Variants in USP10 observed in about 807,000 individuals in gnomAD.
The protein encoded by USP10 is ubiquitin carboxyl-terminal hydrolase 10.
A neutral mutation model predicts 84.5 loss-of-function variants in USP10; 22 were observed. The ratio of observed to expected loss-of-function variants is 0.26; its 90% CI spans 0.19 to 0.37. The LOEUF is 0.37. Ranked by LOEUF, USP10 falls within the 10% of genes least tolerant of loss-of-function variation. The pLI, the probability that USP10 is intolerant of heterozygous loss-of-function variation, is 1.00. For missense variants in USP10, 1,019 were observed against 998.9 expected (o/e 1.02, Z -0.27); for synonymous variants, 454 against 387.6 (o/e 1.17, Z -2.01).
intron 4 of USP10, among the ~76,000 whole-genome samples, chr16:84,757,222 G>A (rs2012733): frequency 1.2e-4 from 18 of 152,114 alleles, no homozygotes; most frequent in African/African-American, 4.3e-4. Context: ...GGCCCAGTTC[G>A]GTATTCCATA....
chr16:84,730,233 TAACA>T (rs2150794223), intron 1 of USP10, among the ~76,000 whole-genome samples: 1 of 152,306 alleles, frequency 6.6e-6, no homozygotes, highest in African/African-American at 2.4e-5. Flanking sequence ...TCTATATTAT[TAACA>T]AACACAAATA....
rs887873657 is a variant in USP10, at chr16:84,706,634, G to A, written c.21+6523G>A. On this transcript the variant is annotated intron_variant, in intron 1 of 13. Coordinates refer to ENST00000219473, the MANE Select transcript of USP10 (RefSeq NM_005153.3). ...CGGCTCACTGCAAGCTCCGCCTCCC[G>A]GGTTCACGCCATTCTCCTGCCTCAG... 3.3e-5 allele frequency among the ~76,000 whole-genome samples: 5 copies of A among 151,436 alleles called. No individual in the cohort carries two copies. The South Asian group carries it at 6.2e-4, about 19-fold the overall frequency.
Position 84,777,245 on chromosome 16 carries a change from C to G in USP10, c.2210-1650C>G, listed in dbSNP as rs146677005. On this transcript the variant is annotated intron_variant, in intron 13 of 13. Coordinates refer to ENST00000219473, the MANE Select transcript of USP10 (RefSeq NM_005153.3). Reference sequence around the variant, plus strand: ...CCCAGGGTAGTTAACTGGGCTGCTGCTTATGAAACTAGAATGGTGACATGC... The same window carrying G: ...CCCAGGGTAGTTAACTGGGCTGCTGGTTATGAAACTAGAATGGTGACATGC... Among the ~76,000 whole-genome samples, 120 of 152,300 alleles carry G rather than the reference C, an allele frequency of 7.9e-4. 1 individual carries two copies. In the East Asian group the frequency reaches 0.021, roughly 27 times the overall value.
At position 84,759,427 on chromosome 16, in the gene USP10, C is replaced by G. The variant is rs772073078; in HGVS notation, c.1349C>G (p.Ser450Cys). 3 of 1,613,854 alleles carry G rather than the reference C, an allele frequency of 1.9e-6. No individual in the cohort carries two copies. The highest frequency in any genetic ancestry group is 1.3e-5 in the African/African-American group (1 of 74,914). Residue 450 changes from serine to cysteine, a missense_variant, in exon 6 of 14, where the codon TCC (serine) becomes TGC (cysteine). Around this residue, in one of 2 missense-constraint regions of USP10, gnomAD observed 787 missense variants for 708.8 expected, o/e 1.11. Transcript: ENST00000219473. ...YHLMKFIPLY[S>C]KVQRPCTSTP... ...CTGATGAAGTTCATTCCTCTGTATT[C>G]CAAAGTGCAAAGGCCTTGTACGTCA...
At position 84,744,901 on chromosome 16, in the gene USP10, C is replaced by G. The variant is rs748819894; in HGVS notation, c.420C>G (p.Val140=). Residue 140 remains valine (V), a synonymous_variant, in exon 4 of 14, where the codon GTC becomes GTG. Coordinates refer to ENST00000219473, the MANE Select transcript of USP10 (RefSeq NM_005153.3). ...CGGAAGTTTTGGAAAATGATGGTGT[C>G]TCAGGTGGTCTTGGACAAAGGGAGC... The part of the protein sequence containing the change: ...VEAEVLENDG[V]SGGLGQRERK... 9 of 1,613,604 alleles carry G rather than the reference C, an allele frequency of 5.6e-6. No homozygotes were observed. In the East Asian group the frequency reaches 1.8e-4, roughly 32 times the overall value.
intron 1 of USP10, among the ~76,000 whole-genome samples, chr16:84,713,889 C>T (rs914314682): frequency 2.6e-5 from 4 of 152,214 alleles, no homozygotes; most frequent in African/African-American, 9.6e-5. Flanking sequence ...AAAGACCTGG[C>T]GTGTGCCGTG....
chr16:84,757,985 A>C (rs1912783921), intron 4 of USP10, among the ~76,000 whole-genome samples: 1 of 152,114 alleles, frequency 6.6e-6, no homozygotes, highest in Admixed American at 6.6e-5. Context: ...ACAGGGGGAG[A>C]CCTTGTCTTG....
chr16:84,719,327 C>T (rs1307717311), intron 1 of USP10, among the ~76,000 whole-genome samples: 1 of 152,160 alleles, frequency 6.6e-6, no homozygotes, highest in Non-Finnish European at 1.5e-5. Context: ...TTTCTCCCAC[C>T]TCCTCAGTTG....
At chr16:84,740,202 A>G in intron 2 of USP10, 107 bp from the exon 3 acceptor site, 1 of 968,388 alleles carries the variant, frequency 1.0e-6, no homozygotes, top group Non-Finnish European at 1.6e-6. Context: ...ACGGCATGCA[A>G]AGTTGTATGG....
At chr16:84,711,412 C>G (rs1417966819) in intron 1 of USP10, among the ~76,000 whole-genome samples, 1 of 152,180 alleles carries the variant, frequency 6.6e-6, no homozygotes, top group Non-Finnish European at 1.5e-5. Context: ...TCCCAGAGAA[C>G]TGGAACTTTA....
rs891218056 is a variant in USP10 at position 84,704,854 on chromosome 16, A to G, written c.21+4743A>G. On this transcript the variant is annotated intron_variant, in intron 1 of 13. Transcript: ENST00000219473. ...TGCCCTGGTTGCCCTCTCCTGGAAT[A>G]GGGCAGGTAAGGTGTTGAGATAGAA... The G allele has an allele frequency of 2.0e-6, 3 of 1,535,720 alleles. No homozygotes were observed. In the East Asian group the frequency reaches 7.3e-5, roughly 38 times the overall value.
At chr16:84,710,823 T>C (rs922304239) in intron 1 of USP10, among the ~76,000 whole-genome samples, 3 of 152,164 alleles carry the variant, frequency 2.0e-5, no homozygotes, top group South Asian at 2.1e-4. Flanking sequence ...TGTGAGCAGG[T>C]CCCCAGGCCG....
At chr16:84,739,965 CTGGA>C (rs965141124) in intron 2 of USP10, among the ~76,000 whole-genome samples, 3 of 152,212 alleles carry the variant, frequency 2.0e-5, no homozygotes, top group Non-Finnish European at 2.9e-5. Context: ...TGTCTGTGGT[CTGGA>C]TGGTCAGTCA....
chr16:84,749,139 G>A (rs549245428), intron 4 of USP10, among the ~76,000 whole-genome samples: 2 of 152,286 alleles, frequency 1.3e-5, no homozygotes, highest in South Asian at 4.2e-4. Flanking sequence ...TAGGGCTTAG[G>A]GAGAATGGCA....
At chr16:84,745,863 G>C (rs1306899320) in intron 4 of USP10, among the ~76,000 whole-genome samples, 190 bp downstream of exon 4, 2 of 152,192 alleles carry the variant, frequency 1.3e-5, no homozygotes, top group Admixed American at 1.3e-4. Context: ...GGAGAGGGTT[G>C]TCGTAACTTT....
intron 1 of USP10, chr16:84,716,096 G>A (rs1463462420): frequency 6.6e-6 from 1 of 152,352 alleles, no homozygotes; most frequent in African/African-American, 2.4e-5. Context: ...GTTGACTTCT[G>A]AACTGGGTGA....
chr16:84,719,642 G>C (rs1382382862), intron 1 of USP10, among the ~76,000 whole-genome samples: 1 of 152,188 alleles, frequency 6.6e-6, no homozygotes, highest in African/African-American at 2.4e-5. Flanking sequence ...TAGAATATAG[G>C]AAGCCGATTG....
intron 11 of USP10, among the ~76,000 whole-genome samples, chr16:84,770,542 G>C (rs1262902084): frequency 6.6e-6 from 1 of 152,184 alleles, no homozygotes; most frequent in Non-Finnish European, 1.5e-5. Context: ...GGAGGCCAAG[G>C]CGGGTGGATC....
At chr16:84,711,804 C>T (rs1006041290) in intron 1 of USP10, among the ~76,000 whole-genome samples, 1 of 147,130 alleles carries the variant, frequency 6.8e-6, no homozygotes, top group African/African-American at 2.5e-5. Context: ...ACTGCAACCT[C>T]TGCCTCCGGG....
Sources: gnomAD v4.1 joint callset for allele counts (sites outside exome capture counted in the v4.1 genomes callset) on GRCh38, gnomAD v4.1.1 for gene constraint, gnomAD v4.1.1 regional missense constraint, MANE v1.5 for transcripts, NCBI Gene and HGNC (gene_info 2026-07-23, HGNC 2026-07-21) for gene names.